Variants in VDAC1 observed in about 807,000 individuals in gnomAD.
VDAC1 encodes the protein non-selective voltage-gated ion channel VDAC1.
A neutral mutation model predicts 34.7 loss-of-function variants in VDAC1; 10 were observed. That is an observed-to-expected ratio of 0.29 (90% CI 0.18 to 0.49). The LOEUF is 0.49. VDAC1 is among the 20% of genes least tolerant of loss of function. The probability of loss-of-function intolerance (pLI) is 0.99; values close to 1 mark genes in which losing one functional copy is unlikely to be tolerated. For synonymous variants in VDAC1, 130 were observed against 136.0 expected, an observed-to-expected ratio of 0.96 and a Z score of 0.30; for missense variants, 230 against 347.9, an observed-to-expected ratio of 0.66 and a Z score of 2.69.
the VDAC1 span, among the ~76,000 whole-genome samples, chr5:134,011,639 CTTT>C: frequency 1.2e-4 from 16 of 135,052 alleles, no homozygotes; most frequent in Admixed American, 1.5e-4. Flanking sequence ...ATCACAAGTT[CTTT>C]TTTTTTTTTT....
chr5:134,047,127 C>T, the VDAC1 span, among the ~76,000 whole-genome samples: 1 of 152,110 alleles, frequency 6.6e-6, no homozygotes, highest in Admixed American at 6.5e-5. Context: ...AGCAGTAGAC[C>T]AGAGCCAGGG....
rs987627085 is a variant in VDAC1, at chr5:133,980,856, G to A, written c.424C>T (p.Leu142=). Reference sequence around the variant, plus strand: ...AGCCAGCCCTCGTAACCTAGCACCAGAGCACCCCGGATGGAAGGCCCAGCA... The same window carrying A: ...AGCCAGCCCTCGTAACCTAGCACCAAAGCACCCCGGATGGAAGGCCCAGCA... ...DIAGPSIRGA[L]VLGYEGWLAG... is the part of the protein sequence containing the mutation. Residue 142 remains leucine, a synonymous_variant, in exon 6 of 9, where the codon CTG becomes TTG. Coordinates refer to ENST00000265333, the MANE Select transcript of VDAC1 (RefSeq NM_003374.3). 6.2e-7 allele frequency: 1 copy of A among 1,613,788 alleles called. No individual in the cohort carries two copies. Among genetic ancestry groups the A allele is most frequent in the African/African-American group, 1.3e-5 (1 of 74,906 alleles).
the VDAC1 span, among the ~76,000 whole-genome samples, chr5:134,078,474 G>A: frequency 3.9e-5 from 6 of 152,108 alleles, no homozygotes; most frequent in Non-Finnish European, 8.8e-5. Flanking sequence ...ACCCGCCACC[G>A]CAAGGCACCT....
At chr5:134,034,174 C>G in the VDAC1 span, among the ~76,000 whole-genome samples, 1 of 77,366 alleles carries the variant, frequency 1.3e-5, no homozygotes, top group African/African-American at 5.3e-5. Flanking sequence ...AGGGCTGTGT[C>G]ACGCGCAAAA....
At chr5:134,045,885 G>A in the VDAC1 span, among the ~76,000 whole-genome samples, 15 of 151,418 alleles carry the variant, frequency 9.9e-5, 1 homozygote, top group Admixed American at 2.0e-4. Flanking sequence ...GGGTTTCTCC[G>A]TGTTGGTCAG....
chr5:134,078,647 C>CTTTTTTTTTTT, the VDAC1 span, among the ~76,000 whole-genome samples: 6 of 118,472 alleles, frequency 5.1e-5, no homozygotes, highest in Admixed American at 9.8e-5. Context: ...CCTCAAGCAT[C>CTTTTTTTTTTT]TTTTTTTTTT....
chr5:134,020,095 G>A, the VDAC1 span, among the ~76,000 whole-genome samples: 1 of 151,630 alleles, frequency 6.6e-6, no homozygotes, highest in African/African-American at 2.4e-5. Context: ...TGTGGGGAGG[G>A]GTATGCTGAC....
intron 5 of VDAC1, chr5:133,988,750 C>G (rs1752993761): frequency 6.8e-6 from 1 of 146,516 alleles, no homozygotes; most frequent in Non-Finnish European, 1.5e-5. Context: ...GGCGACAGAG[C>G]AAGACTCCGT....
rs1753077323 is a variant in VDAC1 at position 133,990,834 on chromosome 5, G to A, written c.323+21C>T. 11 of 1,526,292 alleles carry A rather than the reference G, an allele frequency of 7.2e-6. No homozygotes were observed. The Middle Eastern group carries it at 1.2e-3, about 172-fold the overall frequency. The allele number at this position is 1,526,292 out of a possible 1,614,324, so 94.5% of individuals were successfully genotyped here. On this transcript the variant is annotated intron_variant, in intron 5 of 8. Coordinates refer to ENST00000265333, the MANE Select transcript of VDAC1 (RefSeq NM_003374.3). ...CAACATCAGAGAACATCCTTGTGGA[G>A]AAAACAGATGAAACTCTTACCCAGT...
chr5:134,028,088 T>C, the VDAC1 span, among the ~76,000 whole-genome samples: 13 of 150,882 alleles, frequency 8.6e-5, no homozygotes, highest in East Asian at 1.8e-3. Context: ...GGTATTTCTA[T>C]AGCATTTTAG....
chr5:134,106,309 T>C, the VDAC1 span, among the ~76,000 whole-genome samples: 1 of 152,186 alleles, frequency 6.6e-6, no homozygotes, highest in South Asian at 2.1e-4. Flanking sequence ...AGTTAATTTG[T>C]GTATATTTAA....
At chr5:134,038,081 C>A in the VDAC1 span, among the ~76,000 whole-genome samples, 2 of 152,114 alleles carry the variant, frequency 1.3e-5, no homozygotes, top group Non-Finnish European at 2.9e-5. Flanking sequence ...CCTCTACCCT[C>A]AAGGAGTTAC....
At chr5:134,037,218 T>C in the VDAC1 span, among the ~76,000 whole-genome samples, 2 of 152,140 alleles carry the variant, frequency 1.3e-5, no homozygotes, top group Non-Finnish European at 2.9e-5. Context: ...TAGATTTGTT[T>C]TTCAGAAACC....
At chr5:134,030,995 G>A in the VDAC1 span, among the ~76,000 whole-genome samples, 2 of 152,032 alleles carry the variant, frequency 1.3e-5, no homozygotes, top group African/African-American at 4.8e-5. Context: ...GGGATCCCAA[G>A]GGACCCAACA....
At chr5:134,071,005 C>T in the VDAC1 span, among the ~76,000 whole-genome samples, 1 of 152,200 alleles carries the variant, frequency 6.6e-6, no homozygotes, top group Non-Finnish European at 1.5e-5. The surrounding 1 kb of genome is among the most constrained non-coding windows in gnomAD (Gnocchi z 4.1). Context: ...TTCCCAGGGG[C>T]GTAAACCCCG....
chr5:134,055,831 A>G, the VDAC1 span, among the ~76,000 whole-genome samples: 1 of 152,040 alleles, frequency 6.6e-6, no homozygotes, highest in African/African-American at 2.4e-5. Context: ...AATTGTTATC[A>G]GCCCCTTCCA....
At chr5:134,009,076 C>T (rs1753794753), upstream of VDAC1, among the ~76,000 whole-genome samples, 1 of 151,946 alleles carries the variant, frequency 6.6e-6, no homozygotes, top group South Asian at 2.1e-4. Context: ...ATAATATTCT[C>T]CTGCATATCC....
At chr5:134,059,946 T>C in the VDAC1 span, among the ~76,000 whole-genome samples, 1 of 151,622 alleles carries the variant, frequency 6.6e-6, no homozygotes, top group Non-Finnish European at 1.5e-5. Flanking sequence ...TGTGTCTCCT[T>C]CAGGAGCAAT....
At chr5:134,087,240 G>A in the VDAC1 span, among the ~76,000 whole-genome samples, 1 of 152,138 alleles carries the variant, frequency 6.6e-6, no homozygotes, top group Admixed American at 6.5e-5. Context: ...GAGTGGAACA[G>A]ATCAGGCCCT....
Sources: gnomAD v4.1 joint callset for allele counts (sites outside exome capture counted in the v4.1 genomes callset) on GRCh38, gnomAD v4.1.1 for gene constraint, Gnocchi (gnomAD v3.1) non-coding constraint, MANE v1.5 for transcripts, NCBI Gene and HGNC (gene_info 2026-07-23, HGNC 2026-07-21) for gene names.